DLGAP1: variants seen among roughly 807,000 people sequenced by gnomAD.
DLGAP1 encodes disks large-associated protein 1.
In DLGAP1, 11 loss-of-function variants were observed where a neutral mutation model predicts 90.8. The observed-to-expected ratio is 0.12, with a 90% CI of 0.08 to 0.20. The LOEUF (loss-of-function observed/expected upper bound fraction) is 0.20. Among genes scored for constraint, DLGAP1 ranks in the 10% least tolerant of loss-of-function variants. The pLI is 1.00. For synonymous variants in DLGAP1, 558 were observed against 540.7 expected (o/e 1.03, Z -0.44); for missense variants, 1,050 against 1,333.8 (o/e 0.79, Z 3.31).
chr18:4,207,204 G>A (rs547320934), intron 1 of DLGAP1, among the ~76,000 whole-genome samples: 1 of 152,248 alleles, frequency 6.6e-6, no homozygotes, highest in African/African-American at 2.4e-5. Flanking sequence ...CATGGCTGTG[G>A]AGGCCTCAGG....
intron 5 of DLGAP1, among the ~76,000 whole-genome samples, chr18:3,750,744 C>T (rs1483583063): frequency 2.0e-5 from 3 of 152,200 alleles, no homozygotes; most frequent in African/African-American, 7.2e-5. Flanking sequence ...TTTCCAGTCT[C>T]CTCGTTTGCT....
intron 1 of DLGAP1, among the ~76,000 whole-genome samples, chr18:4,408,258 C>T (rs1305123194): frequency 2.0e-5 from 3 of 151,964 alleles, no homozygotes; most frequent in African/African-American, 4.8e-5. Context: ...CAATGCTGTG[C>T]GTATTCGTGT....
At chr18:3,765,216 T>C (rs147735120) in intron 5 of DLGAP1, among the ~76,000 whole-genome samples, 2,059 of 147,284 alleles carry the variant, frequency 0.014, 21 homozygotes, top group Non-Finnish European at 0.021. Flanking sequence ...CAGCAAGCTT[T>C]GCCTCCCGGG....
rs1241743948 is a variant in DLGAP1, at chr18:3,688,649, AC to A, written c.1591+40485del. 3.3e-3 allele frequency among the ~76,000 whole-genome samples: 492 copies of A among 148,470 alleles called. 8 individuals carry two copies. Among genetic ancestry groups the A allele is most frequent in the African/African-American group, 0.011 (405 of 38,514 alleles). ...CACACACACACACACACACACACAC[AC>A]ACACACACACACACACACCCTACCA... On this transcript the variant is annotated intron_variant, in intron 7 of 12. Coordinates refer to ENST00000315677, the MANE Select transcript of DLGAP1 (RefSeq NM_004746.4).
intron 2 of DLGAP1, among the ~76,000 whole-genome samples, chr18:4,063,309 A>G (rs1013187947): frequency 1.3e-5 from 2 of 152,152 alleles, no homozygotes; most frequent in African/African-American, 4.8e-5. Context: ...ATTGCTATCC[A>G]GGAATAACTA....
At chr18:4,029,794 C>T (rs1352520993) in intron 2 of DLGAP1, among the ~76,000 whole-genome samples, 1 of 152,190 alleles carries the variant, frequency 6.6e-6, no homozygotes, top group Non-Finnish European at 1.5e-5. Context: ...TAATGTCTCT[C>T]CTACTTCAGG....
At chr18:3,966,116 G>T (rs1015631430) in intron 3 of DLGAP1, among the ~76,000 whole-genome samples, 1 of 151,936 alleles carries the variant, frequency 6.6e-6, no homozygotes, top group African/African-American at 2.4e-5. Context: ...AGAATGATAG[G>T]GTGGTAGAAA....
At chr18:3,732,385 A>G (rs935520153) in intron 6 of DLGAP1, among the ~76,000 whole-genome samples, 7 of 152,258 alleles carry the variant, frequency 4.6e-5, no homozygotes, top group Non-Finnish European at 7.3e-5. Context: ...TGCAAAATGC[A>G]ATATTCTATA....
intron 1 of DLGAP1, among the ~76,000 whole-genome samples, chr18:4,157,855 C>G (rs769297015): frequency 6.6e-6 from 1 of 152,118 alleles, no homozygotes; most frequent in Non-Finnish European, 1.5e-5. Context: ...ACGCCATGCT[C>G]GCCACTGGAA....
intron 1 of DLGAP1, among the ~76,000 whole-genome samples, chr18:4,448,113 G>A (rs939737117): frequency 1.3e-5 from 2 of 152,060 alleles, no homozygotes; most frequent in African/African-American, 4.8e-5. Context: ...TTCTTCCTAT[G>A]TAAGTCTTAC....
intron 7 of DLGAP1, among the ~76,000 whole-genome samples, chr18:3,637,799 C>G (rs2058772028): frequency 6.6e-6 from 1 of 151,816 alleles, no homozygotes; most frequent in African/African-American, 2.4e-5. Context: ...ATATAATACA[C>G]AGAGTTTTGT....
chr18:3,721,830 G>A (rs899608792), intron 7 of DLGAP1: 7 of 152,070 alleles, frequency 4.6e-5, no homozygotes, highest in African/African-American at 1.4e-4. Context: ...GTCAAGTTGT[G>A]TAACCTCTCT....
chr18:4,376,777 A>G (rs972331841), intron 1 of DLGAP1, among the ~76,000 whole-genome samples: 1 of 152,236 alleles, frequency 6.6e-6, no homozygotes, highest in Non-Finnish European at 1.5e-5. Flanking sequence ...AATTAATTTT[A>G]TTTAACAGAT....
At chr18:3,893,786 C>T (rs1266291428) in intron 3 of DLGAP1, among the ~76,000 whole-genome samples, 2 of 151,866 alleles carry the variant, frequency 1.3e-5, no homozygotes, top group African/African-American at 2.4e-5. Flanking sequence ...ACTTTGAGAA[C>T]TCTCCATATG....
intron 7 of DLGAP1, among the ~76,000 whole-genome samples, chr18:3,690,695 C>T (rs1042726819): frequency 2.0e-5 from 3 of 152,202 alleles, no homozygotes; most frequent in Admixed American, 1.3e-4. Context: ...ATTTCTTCCT[C>T]GAGTATTTCT....
intron 2 of DLGAP1, among the ~76,000 whole-genome samples, chr18:4,096,523 CT>C (rs879827010): frequency 1.8e-3 from 263 of 145,528 alleles, no homozygotes; most frequent in East Asian, 3.2e-3. Context: ...TTTTGCCATT[CT>C]TTTTTTTTTT....
rs554187903 is a variant in DLGAP1, at chr18:3,759,446, C to G, written c.1173-16934G>C. Among the ~76,000 whole-genome samples the G allele has an allele frequency of 5.3e-5, 8 of 152,292 alleles. No individual in the cohort carries two copies. In the East Asian group the frequency reaches 9.6e-4, roughly 18 times the overall value. The stretch of plus-strand genomic sequence containing the variant: ...TGTTGTCCTTTTCATAATAATTCAT[C>G]AGACGTAGAAATTATCAACATAAAA... On this transcript the variant is annotated intron_variant, in intron 5 of 12. Coordinates refer to ENST00000315677, the MANE Select transcript of DLGAP1 (RefSeq NM_004746.4).
In DLGAP1 at chr18:4,442,083, CTGGG is replaced by C. The variant is rs1195167494; in HGVS notation, c.-267+12919_-267+12922del. Among the ~76,000 whole-genome samples, 13 of 152,334 alleles carry C rather than the reference CTGGG, an allele frequency of 8.5e-5. 1 individual carries two copies. The highest frequency in any genetic ancestry group is 3.4e-3 in the Middle Eastern group (1 of 294). ...CTCAGCTCACTGAAACCTCCATCTC[CTGGG>C]TTCAAGCAATTCTTCTGCCTCAGTC... is the stretch of plus-strand genomic sequence containing the variant. On this transcript the variant is annotated intron_variant, in intron 1 of 12. Coordinates refer to ENST00000315677, the MANE Select transcript of DLGAP1 (RefSeq NM_004746.4).
chr18:3,862,289 A>T (rs2070118562), intron 4 of DLGAP1, among the ~76,000 whole-genome samples: 1 of 152,232 alleles, frequency 6.6e-6, no homozygotes, highest in Admixed American at 6.5e-5. Flanking sequence ...ATGCATTGCC[A>T]ACTGCCATAT....
Sources: gnomAD v4.1 joint callset for allele counts (sites outside exome capture counted in the v4.1 genomes callset) on GRCh38, gnomAD v4.1.1 for gene constraint, MANE v1.5 for transcripts, NCBI Gene and HGNC (gene_info 2026-07-23, HGNC 2026-07-21) for gene names.